The following HSD17B4 variants were observed in gnomAD, a reference collection of about 807,000 sequenced individuals.
The protein encoded by HSD17B4 is hydroxysteroid 17-beta dehydrogenase 4.
HSD17B4 carries 70 observed loss-of-function variants against 101.0 expected under a neutral mutation model. The observed-to-expected ratio is 0.69, with a 90% CI of 0.57 to 0.85. HSD17B4 has a LOEUF of 0.85. Among genes scored for constraint, HSD17B4 ranks in the 40% least tolerant of loss-of-function variants. The probability of loss-of-function intolerance (pLI) is 0.00; values close to 1 mark genes in which losing one functional copy is unlikely to be tolerated. For missense variants in HSD17B4, 984 were observed against 892.4 expected (o/e 1.10, Z -1.31); for synonymous variants, 347 against 297.1 (o/e 1.17, Z -1.73).
At chr5:119,459,129 G>A (rs1325840886) in intron 2 of HSD17B4, among the ~76,000 whole-genome samples, 1 of 152,198 alleles carries the variant, frequency 6.6e-6, no homozygotes, top group African/African-American at 2.4e-5. Flanking sequence ...GTGGCCTGAT[G>A]CTAGAGCCAT....
intron 2 of HSD17B4, among the ~76,000 whole-genome samples, chr5:119,457,963 A>G (rs994451693): frequency 2.0e-5 from 3 of 152,178 alleles, no homozygotes; most frequent in South Asian, 2.1e-4. Flanking sequence ...AAATTTTATA[A>G]CAGTGTGTTC....
At chr5:119,494,321 TTTCTTTTCTTTCTTTC>T (rs1369363591) in intron 11 of HSD17B4, among the ~76,000 whole-genome samples, 9 of 146,658 alleles carry the variant, frequency 6.1e-5, no homozygotes, top group South Asian at 2.2e-4. Context: ...CCTTTCTTTC[TTTCTTTTCTTTCTTTC>T]TTTCTTTCTT....
At chr5:119,518,983 A>G (rs115985037) in intron 17 of HSD17B4, among the ~76,000 whole-genome samples, 1 of 151,922 alleles carries the variant, frequency 6.6e-6, no homozygotes, top group Non-Finnish European at 1.5e-5. Context: ...TAATAATAAT[A>G]AAAAAATTAG....
intron 1 of HSD17B4, among the ~76,000 whole-genome samples, chr5:119,455,516 C>CAA (rs199923596): frequency 7.0e-5 from 10 of 143,098 alleles, no homozygotes; most frequent in South Asian, 4.4e-4. Flanking sequence ...GACTGGATCT[C>CAA]AAAAAAAAAG....
intron 13 of HSD17B4, among the ~76,000 whole-genome samples, chr5:119,501,771 A>C (rs572062488): frequency 6.6e-6 from 1 of 152,184 alleles, no homozygotes; most frequent in African/African-American, 2.4e-5. Flanking sequence ...CTTGGCAAAT[A>C]ATATGTAATT....
intron 11 of HSD17B4, among the ~76,000 whole-genome samples, chr5:119,496,167 A>C (rs1750630768): frequency 6.6e-6 from 1 of 152,210 alleles, no homozygotes; most frequent in Non-Finnish European, 1.5e-5. Context: ...AATGGAAATC[A>C]GTTGAGAGGA....
chr5:119,463,655 C>CTTTTTT lies in HSD17B4; in HGVS notation c.112+7312_112+7317dup, dbSNP rs57252147. On this transcript the variant is annotated intron_variant, in intron 2 of 23. Coordinates refer to ENST00000510025, the MANE Select transcript of HSD17B4 (RefSeq NM_000414.4). ...ATATACTTCTTGGCCATTTATATGT[C>CTTTTTT]TTTTTTTTTTTTTTTTTTTTTTTTT... 2.6e-3 allele frequency among the ~76,000 whole-genome samples: 76 copies of CTTTTTT among 29,702 alleles called. 12 individuals carry two copies. Among genetic ancestry groups the CTTTTTT allele is most frequent in the South Asian group, 5.8e-3 (2 of 344 alleles). 19.5% of individuals were successfully genotyped at this position (29,702 alleles called of 152,430 possible).
intron 6 of HSD17B4, among the ~76,000 whole-genome samples, chr5:119,476,951 A>C (rs1748644740): frequency 6.6e-6 from 1 of 152,220 alleles, no homozygotes; most frequent in Admixed American, 6.5e-5. Flanking sequence ...TTAGATTGAA[A>C]TTTGTGAAAA....
At chr5:119,509,861 A>G (rs56332309) in intron 16 of HSD17B4, among the ~76,000 whole-genome samples, 2,672 of 152,324 alleles carry the variant, frequency 0.018, 84 homozygotes, top group African/African-American at 0.059. Context: ...TTATTGTAAT[A>G]ATGCAGAATA....
At chr5:119,487,824 TGAATG>T (rs1023608832) in intron 8 of HSD17B4, among the ~76,000 whole-genome samples, 1 of 152,140 alleles carries the variant, frequency 6.6e-6, no homozygotes, top group African/African-American at 2.4e-5. Flanking sequence ...TGTATTGAGA[TGAATG>T]GATATTTAAG....
intron 16 of HSD17B4, among the ~76,000 whole-genome samples, chr5:119,514,152 A>C (rs1752408648): frequency 6.6e-6 from 1 of 152,330 alleles, no homozygotes; most frequent in Non-Finnish European, 1.5e-5. Context: ...GATTTTTGAA[A>C]AACGGCAGCC....
intron 14 of HSD17B4, among the ~76,000 whole-genome samples, chr5:119,503,743 G>GTTT (rs140483267): frequency 7.1e-6 from 1 of 140,082 alleles, no homozygotes; most frequent in East Asian, 2.0e-4. Context: ...TTTTCTGTCT[G>GTTT]TTTTTTTTTT....
chr5:119,530,371 C>T (rs895169050), intron 21 of HSD17B4, among the ~76,000 whole-genome samples: 15 of 151,950 alleles, frequency 9.9e-5, no homozygotes, highest in Non-Finnish European at 1.6e-4. Flanking sequence ...AAACCAGCAG[C>T]GTGTATAATT....
rs201222016 is a variant in HSD17B4, at chr5:119,456,265, A to T, written c.59-50A>T. The T allele has an allele frequency of 3.0e-5, 41 of 1,361,638 alleles. 1 individual carries two copies. The Admixed American group carries it at 3.9e-4, about 13-fold the overall frequency. The allele number at this position is 1,361,638 out of a possible 1,614,324, so 84.3% of individuals were successfully genotyped here. A position where few individuals can be genotyped will look rare whatever the true frequency, so the allele number is the denominator to read the frequency against. ...GGGGATTGAGTTGAGCGGACCAAAA[A>T]AATTATGCTGACATTTCTTCAACTT... On this transcript the variant is annotated intron_variant, in intron 1 of 23. Transcript: ENST00000510025.
intron 20 of HSD17B4, 59 bp downstream of exon 20, chr5:119,527,278 A>ATT: frequency 4.4e-6 from 4 of 919,010 alleles, no homozygotes; most frequent in Non-Finnish European, 5.3e-6. Flanking sequence ...CCATCTTACC[A>ATT]TTTTTTTTTG....
chr5:119,504,162 T>A (rs946886957), intron 14 of HSD17B4, among the ~76,000 whole-genome samples: 29 of 152,280 alleles, frequency 1.9e-4, no homozygotes, highest in African/African-American at 6.5e-4. Flanking sequence ...GTACCACATT[T>A]TCTTTATCCA....
At chr5:119,471,661 A>T in intron 2 of HSD17B4, 1 of 1,462,250 alleles carries the variant, frequency 6.8e-7, no homozygotes, top group Non-Finnish European at 9.1e-7. Context: ...CAATAACCCT[A>T]TGGAGAAGAT....
chr5:119,452,788 G>A, intron 1 of HSD17B4, 155 bp downstream of exon 1: 1 of 1,544,124 alleles, frequency 6.5e-7, no homozygotes, highest in Non-Finnish European at 8.7e-7. Flanking sequence ...CTCTTGAGGA[G>A]GAAAGAGCCG....
Position 119,539,596 on chromosome 5 carries a change from AAAG to A in HSD17B4, c.2122-2302_2122-2300del, listed in dbSNP as rs200844415. Among the ~76,000 whole-genome samples the A allele has an allele frequency of 9.3e-3, 1,411 of 152,178 alleles. 25 individuals carry two copies. The highest frequency in any genetic ancestry group is 0.033 in the African/African-American group (1,351 of 41,518). On this transcript the variant is annotated intron_variant, in intron 23 of 23. Transcript: ENST00000510025. Reference sequence around the variant, plus strand: ...CTTAAAGTATAATAATAATAATAAAAAAGAAGAAGTGGACAAAAGGTATGGAAC... The same window carrying A: ...CTTAAAGTATAATAATAATAATAAAAAAGAAGTGGACAAAAGGTATGGAAC...
Sources: allele counts gnomAD v4.1 joint callset (sites outside exome capture counted in the v4.1 genomes callset), GRCh38; gene constraint gnomAD v4.1.1; transcripts MANE v1.5; gene names NCBI Gene and HGNC (gene_info 2026-07-23, HGNC 2026-07-21).